Variants in FER1L6 observed in about 807,000 individuals in gnomAD.
The protein encoded by FER1L6 is fer-1-like protein 6.
In FER1L6, 177 loss-of-function variants were observed where a neutral mutation model predicts 219.2. That is an observed-to-expected ratio of 0.81 (90% confidence interval 0.71 to 0.91). The LOEUF is 0.91. FER1L6 is among the 40% of genes least tolerant of loss of function. The pLI, the probability that FER1L6 is intolerant of heterozygous loss-of-function variation, is 0.00. For synonymous variants in FER1L6, 768 were observed against 824.3 expected (o/e 0.93, Z 1.17); for missense variants, 2,153 against 2,259.9 (o/e 0.95, Z 0.96).
chr8:123,891,896 A>G (rs1269145833), intron 1 of FER1L6, among the ~76,000 whole-genome samples: 1 of 152,218 alleles, frequency 6.6e-6, no homozygotes, highest in African/African-American at 2.4e-5. Flanking sequence ...ATGAGATGGT[A>G]AGGGTCAATT....
chr8:123,902,580 A>G (rs1291149336), intron 1 of FER1L6, among the ~76,000 whole-genome samples: 1 of 152,004 alleles, frequency 6.6e-6, no homozygotes, highest in Non-Finnish European at 1.5e-5. Flanking sequence ...GTCTCTTTTA[A>G]CTGTTGTTTC....
At chr8:123,954,699 G>A (rs1164105875) in intron 1 of FER1L6, among the ~76,000 whole-genome samples, 2 of 152,182 alleles carry the variant, frequency 1.3e-5, no homozygotes, top group Non-Finnish European at 2.9e-5. Flanking sequence ...TGCAGAGATA[G>A]TACTGGGATT....
intron 1 of FER1L6, among the ~76,000 whole-genome samples, chr8:123,906,581 C>T (rs750793662): frequency 2.6e-4 from 39 of 152,080 alleles, no homozygotes; most frequent in Non-Finnish European, 5.1e-4. Context: ...AGGCAGATTA[C>T]TTGTGGTCAG....
intron 1 of FER1L6, among the ~76,000 whole-genome samples, chr8:123,946,401 A>G (rs1371715087): frequency 6.6e-6 from 1 of 151,940 alleles, no homozygotes; most frequent in African/African-American, 2.4e-5. Flanking sequence ...ATAGGCATAC[A>G]CCACCACACC....
intron 32 of FER1L6, among the ~76,000 whole-genome samples, chr8:124,077,252 A>G (rs1821331962): frequency 6.6e-6 from 1 of 152,228 alleles, no homozygotes; most frequent in Non-Finnish European, 1.5e-5. Context: ...CACATTGCCT[A>G]TGCCAGCACA....
At chr8:124,062,530 A>G (rs1265424940) in intron 25 of FER1L6, among the ~76,000 whole-genome samples, 1 of 152,226 alleles carries the variant, frequency 6.6e-6, no homozygotes, top group African/African-American at 2.4e-5. Flanking sequence ...CCTAAATAAT[A>G]TGATGCTATA....
chr8:123,997,106 T>C (rs1281317900), intron 12 of FER1L6, among the ~76,000 whole-genome samples: 1 of 152,202 alleles, frequency 6.6e-6, no homozygotes, highest in Non-Finnish European at 1.5e-5. Context: ...CAGTGAGTTT[T>C]GTACCTTCAG....
rs1822217807 is a variant in FER1L6 at position 124,095,021 on chromosome 8, A to G, written c.4678A>G (p.Lys1560Glu). 1 of 1,614,014 alleles carries G rather than the reference A, an allele frequency of 6.2e-7. No individual in the cohort carries two copies. Among genetic ancestry groups the G allele is most frequent in the African/African-American group, 1.3e-5 (1 of 74,936 alleles). The change falls in exon 35 of 41, where the codon AAG becomes GAG. Residue 1560 changes from lysine (K) to glutamate (E), a missense_variant. Coordinates refer to ENST00000522917, the MANE Select transcript of FER1L6 (RefSeq NM_001039112.2). ...AACTCGGCCACTGTACCACAAGGAT[A>G]AGCCAGGAATGGAGCAGGTAGTGGG... is the stretch of plus-strand genomic sequence containing the variant. ...IETRPLYHKD[K>E]PGMEQGRLQM...
At chr8:123,864,930 C>T (rs1816806368) in intron 1 of FER1L6, among the ~76,000 whole-genome samples, 1 of 150,992 alleles carries the variant, frequency 6.6e-6, no homozygotes, top group Non-Finnish European at 1.5e-5. Flanking sequence ...GTTTGAATGT[C>T]CTCCTGTAGC....
chr8:124,067,808 T>C lies in FER1L6; in HGVS notation c.3718+2T>C, dbSNP rs1389808817. 1 of 1,611,830 alleles carries C rather than the reference T, an allele frequency of 6.2e-7. No individual in the cohort carries two copies. Among genetic ancestry groups the C allele is most frequent in the Non-Finnish European group, 8.5e-7 (1 of 1,178,112 alleles). The stretch of plus-strand genomic sequence containing the variant: ...CCAAGGGAAAAAAAGGCAATACAGG[T>C]AAGCAGTTATTCTGGGGACATTTGT... On this transcript the variant is annotated splice_donor_variant, in intron 28 of 40. Coordinates refer to ENST00000522917, the MANE Select transcript of FER1L6 (RefSeq NM_001039112.2). LOFTEE classifies it high-confidence loss of function.
intron 1 of FER1L6, among the ~76,000 whole-genome samples, chr8:123,952,618 G>GA: frequency 6.6e-6 from 1 of 152,260 alleles, no homozygotes; most frequent in East Asian, 1.9e-4. Flanking sequence ...GGTGGTTGGG[G>GA]ATGTGGTGGC....
chr8:124,064,357 T>C lies in FER1L6; in HGVS notation c.3339T>C (p.Asp1113=). Residue 1113 remains aspartate (D), a synonymous_variant, in exon 26 of 41, where the codon GAT becomes GAC. Coordinates refer to ENST00000522917, the MANE Select transcript of FER1L6 (RefSeq NM_001039112.2). ...GTGCTTTCATTTCAGATATTTCAGA[T>C]TCGCTAACAGCCACTGAGTCCTCTG... ...DGTQPGHDIS[D]SLTATESSGA... 1 of 1,612,746 alleles carries C rather than the reference T, an allele frequency of 6.2e-7. No individual in the cohort carries two copies. The highest frequency in any genetic ancestry group is 8.5e-7 in the Non-Finnish European group (1 of 1,179,544).
chr8:124,106,190 G>A (rs375931990), intron 39 of FER1L6, among the ~76,000 whole-genome samples: 11 of 151,834 alleles, frequency 7.2e-5, no homozygotes, highest in African/African-American at 2.2e-4. Context: ...TTAGCTGGGC[G>A]TGGTGGCGGG....
chr8:124,089,272 T>C (rs1336751364), intron 33 of FER1L6, among the ~76,000 whole-genome samples: 1 of 152,180 alleles, frequency 6.6e-6, no homozygotes, highest in Non-Finnish European at 1.5e-5. Context: ...GGTGTTTCTT[T>C]CTGCTGTGAC....
chr8:123,936,476 T>TC (rs1554617942), intron 1 of FER1L6, among the ~76,000 whole-genome samples: 115 of 127,314 alleles, frequency 9.0e-4, no homozygotes, highest in East Asian at 6.5e-3. Flanking sequence ...TTTTTTTTTT[T>TC]TTTTTTTTTT....
At chr8:123,959,338 C>A (rs183299422) in intron 2 of FER1L6, among the ~76,000 whole-genome samples, 19 of 152,256 alleles carry the variant, frequency 1.2e-4, no homozygotes, top group Middle Eastern at 6.8e-3. Flanking sequence ...TGTCTTTGAA[C>A]GTTCACTGGA....
At chr8:124,008,132 T>C (rs760991492) in intron 13 of FER1L6, among the ~76,000 whole-genome samples, 2 of 152,218 alleles carry the variant, frequency 1.3e-5, no homozygotes, top group Non-Finnish European at 2.9e-5. Flanking sequence ...GTCCACTGTA[T>C]CCTTCTTATG....
intron 1 of FER1L6, among the ~76,000 whole-genome samples, chr8:123,906,268 A>T (rs1259892000): frequency 6.6e-6 from 1 of 152,128 alleles, no homozygotes; most frequent in East Asian, 1.9e-4. Flanking sequence ...CCAGCACCAT[A>T]ACCTCTAGGG....
At chr8:123,972,624 T>G (rs1815869501) in intron 6 of FER1L6, among the ~76,000 whole-genome samples, 1 of 152,198 alleles carries the variant, frequency 6.6e-6, no homozygotes. Flanking sequence ...GTTATAAACA[T>G]TGTTCTTATA....
Sources: allele counts gnomAD v4.1 joint callset (sites outside exome capture counted in the v4.1 genomes callset), GRCh38; gene constraint gnomAD v4.1.1; transcripts MANE v1.5; gene names NCBI Gene and HGNC (gene_info 2026-07-23, HGNC 2026-07-21).